Variants in SLC17A5 observed in about 807,000 individuals in gnomAD.
The protein encoded by SLC17A5 is solute carrier family 17 member 5, also known as sialin.
A neutral mutation model predicts 59.4 loss-of-function variants in SLC17A5; 47 were observed. The ratio of observed to expected loss-of-function variants is 0.79; its 90% CI spans 0.63 to 1.01. The LOEUF is 1.01. Among genes scored for constraint, SLC17A5 ranks in the 50% least tolerant of loss-of-function variants. The probability of loss-of-function intolerance (pLI) is 0.00; values close to 1 mark genes in which losing one functional copy is unlikely to be tolerated. For missense variants in SLC17A5, 522 were observed against 595.5 expected (o/e 0.88, Z 1.28); for synonymous variants, 202 against 210.7 (o/e 0.96, Z 0.36).
intron 5 of SLC17A5, among the ~76,000 whole-genome samples, chr6:73,636,030 C>T (rs900469025): frequency 8.5e-5 from 13 of 152,108 alleles, no homozygotes; most frequent in Non-Finnish European, 1.9e-4. Context: ...TGAGCCACTG[C>T]ACCCAGCCAG....
chr6:73,653,920 G>C lies in SLC17A5; in HGVS notation c.-34C>G, dbSNP rs753337058. On this transcript the variant is annotated 5_prime_UTR_variant, in exon 1 of 11. Transcript: ENST00000355773. Reference sequence around the variant, plus strand: ...CGTGAGCAGGTGTACTCGCCACCTGGCAGAGAAGGGAGCGCCGGCCCGACA... The same window carrying C: ...CGTGAGCAGGTGTACTCGCCACCTGCCAGAGAAGGGAGCGCCGGCCCGACA... The C allele has an allele frequency of 6.4e-7, 1 of 1,551,416 alleles. No homozygotes were observed. Among genetic ancestry groups the C allele is most frequent in the Non-Finnish European group, 8.8e-7 (1 of 1,139,344 alleles).
intron 10 of SLC17A5, among the ~76,000 whole-genome samples, chr6:73,598,978 C>T (rs906394345): frequency 6.6e-6 from 1 of 150,692 alleles, no homozygotes; most frequent in Admixed American, 6.6e-5. Flanking sequence ...GAGCGAAACT[C>T]CGTCTCAAAA....
intron 1 of SLC17A5, chr6:73,653,072 A>G: frequency 1.0e-6 from 1 of 985,478 alleles, no homozygotes. Flanking sequence ...CTCCATAGGT[A>G]TCTTGAGGAT....
rs1767591666 is a variant in SLC17A5, at chr6:73,610,419, G to A, written c.1240C>T (p.His414Tyr). The A allele has an allele frequency of 6.2e-7, 1 of 1,613,976 alleles. No individual in the cohort carries two copies. The highest frequency in any genetic ancestry group is 1.1e-5 in the South Asian group (1 of 91,078). ...ACTCACGAAGGAGCAATATCCAGAT[G>A]GTTGATGCTAAATCCAGAAGAGCAA... Reference protein sequence around the residue: ...GFCSSGFSINHLDIAPSYAGI... With the variant: ...GFCSSGFSINYLDIAPSYAGI... The change falls in exon 9 of 11, where the codon CAT becomes TAT. Residue 414 changes from histidine (H) to tyrosine (Y), a missense_variant. Physicochemically the swap from His to Tyr is moderately conservative, Grantham distance 83 (BLOSUM62 2). This residue lies in a region of SLC17A5 where 153 missense variants were observed against 168.5 expected (regional missense o/e 0.91). Coordinates refer to ENST00000355773, the MANE Select transcript of SLC17A5 (RefSeq NM_012434.5).
chr6:73,646,480 T>C (rs1223774733), intron 1 of SLC17A5, among the ~76,000 whole-genome samples: 1 of 152,140 alleles, frequency 6.6e-6, no homozygotes, highest in Non-Finnish European at 1.5e-5. Context: ...GGTACAGCTA[T>C]GAAATTTATG....
intron 10 of SLC17A5, among the ~76,000 whole-genome samples, chr6:73,595,945 TATAC>T (rs1561982378): frequency 1.3e-4 from 17 of 130,496 alleles, no homozygotes; most frequent in Non-Finnish European, 2.0e-4. Context: ...TATATATATA[TATAC>T]GTATATATAT....
intron 6 of SLC17A5, among the ~76,000 whole-genome samples, chr6:73,634,633 C>T (rs2150111625): frequency 6.6e-6 from 1 of 152,304 alleles, no homozygotes; most frequent in South Asian, 2.1e-4. Context: ...CTCCTGACCT[C>T]AGGCGATCCG....
chr6:73,645,846 G>A lies in SLC17A5; in HGVS notation c.95-1243C>T, dbSNP rs138813381. Among the ~76,000 whole-genome samples the A allele has an allele frequency of 2.5e-3, 380 of 151,056 alleles. 1 individual carries two copies. The highest frequency in any genetic ancestry group is 8.6e-3 in the African/African-American group (352 of 41,122). On this transcript the variant is annotated intron_variant, in intron 1 of 10. Transcript: ENST00000355773. Reference sequence around the variant, plus strand: ...AGTAGGTTGGAGGAACCAATAAAAGGATCATGTGAGAGGAGGAGTTTGACC... The same window carrying A: ...AGTAGGTTGGAGGAACCAATAAAAGAATCATGTGAGAGGAGGAGTTTGACC...
At chr6:73,631,569 T>C (rs968384018) in intron 6 of SLC17A5, among the ~76,000 whole-genome samples, 11 of 151,922 alleles carry the variant, frequency 7.2e-5, no homozygotes, top group African/African-American at 2.7e-4. Context: ...CATGGTGTGC[T>C]TTCTTCCTCA....
intron 9 of SLC17A5, among the ~76,000 whole-genome samples, chr6:73,601,294 C>G (rs1767069751): frequency 7.5e-6 from 1 of 133,936 alleles, no homozygotes. Flanking sequence ...AAGTGAGGAG[C>G]CCCTCCGCCC....
chr6:73,604,521 A>G (rs1250984529), intron 9 of SLC17A5, among the ~76,000 whole-genome samples: 1 of 152,022 alleles, frequency 6.6e-6, no homozygotes, highest in Non-Finnish European at 1.5e-5. Context: ...AGGTGGGAGA[A>G]TTGCTTGAGC....
intron 9 of SLC17A5, among the ~76,000 whole-genome samples, chr6:73,609,546 A>G (rs72947490): frequency 0.058 from 8,614 of 149,410 alleles, 444 homozygotes; most frequent in Admixed American, 0.17. Flanking sequence ...AGACAAATCA[A>G]TTGGGTCTAC....
chr6:73,622,138 T>G (rs189201592), intron 6 of SLC17A5, among the ~76,000 whole-genome samples, 176 bp from the exon 7 acceptor site: 220 of 152,326 alleles, frequency 1.4e-3, no homozygotes, highest in Middle Eastern at 6.8e-3. Context: ...GATAAATATT[T>G]AGTTGTTTGA....
chr6:73,641,623 T>G, intron 3 of SLC17A5, 68 bp downstream of exon 3: 2 of 1,188,990 alleles, frequency 1.7e-6, no homozygotes, highest in Non-Finnish European at 1.2e-6. Context: ...TACCAAAGAA[T>G]GACATCTTTA....
In SLC17A5 at chr6:73,609,368, G is replaced by T. The variant is rs548015274; in HGVS notation, c.1259+1032C>A. On this transcript the variant is annotated intron_variant, in intron 9 of 10. Transcript: ENST00000355773. The stretch of plus-strand genomic sequence containing the variant: ...CTATCATTTATTATATTAGCTGTGT[G>T]CTGCAAGATAAATCACTTAACTTCT... Among the ~76,000 whole-genome samples the T allele has an allele frequency of 6.6e-5, 10 of 152,256 alleles. No homozygotes were observed. In the South Asian group the frequency reaches 2.1e-3, roughly 32 times the overall value.
At chr6:73,649,283 C>A (rs114988890) in intron 1 of SLC17A5, among the ~76,000 whole-genome samples, 2,198 of 152,324 alleles carry the variant, frequency 0.014, 69 homozygotes, top group African/African-American at 0.05. Flanking sequence ...CAGGCATAAG[C>A]CACCATGCCT....
rs545114437 is a variant in SLC17A5, at chr6:73,629,356, C to A, written c.819+6026G>T. 3.9e-5 allele frequency among the ~76,000 whole-genome samples: 6 copies of A among 152,306 alleles called. No homozygotes were observed. In the South Asian group the frequency reaches 1.0e-3, roughly 26 times the overall value. ...GCAGTGAGCCAAGATCATGCTACTG[C>A]ACTCCAGCCTAGGCAACAGAACCAG... On this transcript the variant is annotated intron_variant, in intron 6 of 10. Coordinates refer to ENST00000355773, the MANE Select transcript of SLC17A5 (RefSeq NM_012434.5).
intron 6 of SLC17A5, among the ~76,000 whole-genome samples, chr6:73,629,129 C>T (rs1024919061): frequency 6.6e-6 from 1 of 152,142 alleles, no homozygotes; most frequent in Admixed American, 6.6e-5. Flanking sequence ...TGGCTCATGC[C>T]TGTAATCCCA....
At chr6:73,616,555 A>T (rs1767877578) in intron 7 of SLC17A5, among the ~76,000 whole-genome samples, 1 of 122,116 alleles carries the variant, frequency 8.2e-6, no homozygotes, top group African/African-American at 3.8e-5. Context: ...CTACACACAC[A>T]CACACACACA....
Sources: gnomAD v4.1 joint callset for allele counts (sites outside exome capture counted in the v4.1 genomes callset) on GRCh38, gnomAD v4.1.1 for gene constraint, gnomAD v4.1.1 regional missense constraint, MANE v1.5 for transcripts, NCBI Gene and HGNC (gene_info 2026-07-23, HGNC 2026-07-21) for gene names.